KCNIP4: variants seen among roughly 807,000 people sequenced by gnomAD.
KCNIP4 encodes the protein Kv channel-interacting protein 4.
Under a neutral mutation model 34.0 loss-of-function variants are expected in KCNIP4, and 12 were observed. The ratio of observed to expected loss-of-function variants is 0.35; its 90% confidence interval spans 0.23 to 0.57. The LOEUF is 0.57. KCNIP4 is among the 20% of genes least tolerant of loss of function. KCNIP4 has a pLI of 0.83. For missense variants in KCNIP4, 238 were observed against 311.7 expected (o/e 0.76, Z 1.78); for synonymous variants, 124 against 102.2 (o/e 1.21, Z -1.29).
chr4:20,807,175 C>T (rs1216097379), intron 3 of KCNIP4, among the ~76,000 whole-genome samples: 1 of 152,022 alleles, frequency 6.6e-6, no homozygotes, highest in Non-Finnish European at 1.5e-5. Flanking sequence ...GACATTTGGC[C>T]AAGTCATTTA....
At chr4:21,769,335 T>C (rs1718625459) in intron 1 of KCNIP4, among the ~76,000 whole-genome samples, 1 of 152,166 alleles carries the variant, frequency 6.6e-6, no homozygotes, top group Non-Finnish European at 1.5e-5. Flanking sequence ...TTTTCTATTT[T>C]AGTGTTTGTA....
At chr4:21,399,308 C>T (rs1287968851) in intron 1 of KCNIP4, among the ~76,000 whole-genome samples, 1 of 152,156 alleles carries the variant, frequency 6.6e-6, no homozygotes, top group South Asian at 2.1e-4. Flanking sequence ...AAGCCACTGG[C>T]CAGGAGGTAG....
intron 1 of KCNIP4, among the ~76,000 whole-genome samples, chr4:21,265,208 C>A (rs1300295349): frequency 2.0e-5 from 3 of 151,962 alleles, no homozygotes; most frequent in Non-Finnish European, 2.9e-5. Flanking sequence ...GGGAGACAGG[C>A]CCCAGCACCA....
chr4:21,108,975 G>T (rs1294450694), intron 1 of KCNIP4, among the ~76,000 whole-genome samples: 1 of 152,082 alleles, frequency 6.6e-6, no homozygotes, highest in Non-Finnish European at 1.5e-5. Context: ...TCTCAGAGGA[G>T]TACCCAGCCG....
At chr4:21,360,845 A>G (rs1719145860) in intron 1 of KCNIP4, among the ~76,000 whole-genome samples, 1 of 152,114 alleles carries the variant, frequency 6.6e-6, no homozygotes, top group African/African-American at 2.4e-5. Context: ...CAACAGGACA[A>G]TTATTTTCAA....
intron 1 of KCNIP4, among the ~76,000 whole-genome samples, chr4:21,574,902 T>C (rs1740633477): frequency 6.6e-6 from 1 of 152,318 alleles, no homozygotes; most frequent in East Asian, 1.9e-4. Context: ...ACTATTATTA[T>C]CCTGACAACT....
chr4:21,759,008 G>A (rs1035272572), intron 1 of KCNIP4, among the ~76,000 whole-genome samples: 2 of 152,052 alleles, frequency 1.3e-5, no homozygotes, highest in African/African-American at 4.8e-5. Flanking sequence ...CTTTGAATGG[G>A]TTCTGGCAAA....
intron 1 of KCNIP4, among the ~76,000 whole-genome samples, chr4:21,235,724 T>C (rs1408780455): frequency 2.0e-5 from 3 of 152,234 alleles, no homozygotes; most frequent in Non-Finnish European, 2.9e-5. Flanking sequence ...AGGATTTCTT[T>C]GGCTTAACAA....
chr4:21,232,834 C>G (rs966712365), intron 1 of KCNIP4, among the ~76,000 whole-genome samples: 12 of 152,174 alleles, frequency 7.9e-5, no homozygotes, highest in Middle Eastern at 3.4e-3. Flanking sequence ...AATATGATAT[C>G]TGTGTACAGA....
intron 1 of KCNIP4, among the ~76,000 whole-genome samples, chr4:21,376,128 AATT>A (rs1447457674): frequency 1.3e-5 from 2 of 151,938 alleles, no homozygotes; most frequent in African/African-American, 2.4e-5. Context: ...CTTCTGCCTA[AATT>A]ATTATTATAC....
chr4:20,820,070 C>T (rs998322176), intron 3 of KCNIP4, among the ~76,000 whole-genome samples: 3 of 152,054 alleles, frequency 2.0e-5, no homozygotes, highest in Non-Finnish European at 2.9e-5. Context: ...ATTTTGGAAC[C>T]GAATGCTAGA....
intron 3 of KCNIP4, among the ~76,000 whole-genome samples, chr4:20,784,173 A>G (rs1711607508): frequency 6.6e-6 from 1 of 152,192 alleles, no homozygotes; most frequent in African/African-American, 2.4e-5. Context: ...TCTAATTCCT[A>G]TCTAGCTTGC....
rs191171341 is a variant in KCNIP4 at position 21,059,123 on chromosome 4, A to C, written c.62-176414T>G. Among the ~76,000 whole-genome samples the C allele has an allele frequency of 2.7e-3, 412 of 152,254 alleles. 3 individuals are homozygous for C. Among genetic ancestry groups the C allele is most frequent in the South Asian group, 0.021 (103 of 4,822 alleles). ...CCAGCCATGTGGAACTGAGCCGATT[A>C]AACCTCTTTTCTTTATAAATTACCT... On this transcript the variant is annotated intron_variant, in intron 1 of 8. Transcript: ENST00000382152.
chr4:21,409,014 A>C (rs1490153988), intron 1 of KCNIP4, among the ~76,000 whole-genome samples: 1 of 152,166 alleles, frequency 6.6e-6, no homozygotes, highest in Non-Finnish European at 1.5e-5. Context: ...GAGACTGAGA[A>C]ACTTAATTTT....
chr4:21,483,013 G>C (rs896552383), intron 1 of KCNIP4, among the ~76,000 whole-genome samples: 9 of 146,646 alleles, frequency 6.1e-5, no homozygotes, highest in Non-Finnish European at 1.2e-4. Context: ...CACCGCATAG[G>C]TGGGAATTGA....
intron 1 of KCNIP4, among the ~76,000 whole-genome samples, chr4:21,274,861 C>G (rs1256044871): frequency 1.3e-5 from 2 of 148,896 alleles, no homozygotes; most frequent in African/African-American, 4.9e-5. Context: ...TTCAAACTCA[C>G]TATGAAGATT....
chr4:21,696,450 A>C (rs1240796681), intron 1 of KCNIP4, among the ~76,000 whole-genome samples: 1 of 152,164 alleles, frequency 6.6e-6, no homozygotes, highest in Non-Finnish European at 1.5e-5. Flanking sequence ...TATTTAGATT[A>C]AAGAAAACAA....
chr4:20,976,099 C>T (rs977104137), intron 1 of KCNIP4, among the ~76,000 whole-genome samples: 1 of 152,178 alleles, frequency 6.6e-6, no homozygotes, highest in Non-Finnish European at 1.5e-5. Context: ...GACAACTTGG[C>T]ACAGAACACA....
intron 1 of KCNIP4, among the ~76,000 whole-genome samples, chr4:21,309,572 T>G (rs571503301): frequency 3.2e-4 from 48 of 152,302 alleles, no homozygotes; most frequent in African/African-American, 9.6e-4. Context: ...TGTAGAATAA[T>G]CACTATCTGA....
Sources: allele counts gnomAD v4.1 joint callset (sites outside exome capture counted in the v4.1 genomes callset), GRCh38; gene constraint gnomAD v4.1.1; transcripts MANE v1.5; gene names NCBI Gene and HGNC (gene_info 2026-07-23, HGNC 2026-07-21).